Variants in DAAM2 observed in about 807,000 individuals in gnomAD.
DAAM2 encodes the protein dishevelled associated activator of morphogenesis 2.
In DAAM2, 39 loss-of-function variants were observed where a neutral mutation model predicts 120.7. The observed-to-expected ratio is 0.32, with a 90% CI of 0.25 to 0.42. The LOEUF is 0.42. DAAM2 is among the 10% of genes least tolerant of loss of function. The pLI is 1.00. For synonymous variants in DAAM2, 488 were observed against 524.9 expected, an observed-to-expected ratio of 0.93 and a Z score of 0.96; for missense variants, 1,283 against 1,401.7, an observed-to-expected ratio of 0.92 and a Z score of 1.35.
chr6:39,898,798 C>A, intron 21 of DAAM2, 79 bp from the exon 22 acceptor site: 2 of 1,256,286 alleles, frequency 1.6e-6, no homozygotes, highest in Non-Finnish European at 2.3e-6. Flanking sequence ...CTTGGCTCTG[C>A]CCTCTCCCTG....
At chr6:39,816,555 G>T (rs1238854758) in intron 1 of DAAM2, among the ~76,000 whole-genome samples, 1 of 152,170 alleles carries the variant, frequency 6.6e-6, no homozygotes, top group Admixed American at 6.5e-5. Flanking sequence ...GGGTGTGATG[G>T]GTAGCCACCC....
At chr6:39,817,610 A>G (rs1380618287) in intron 1 of DAAM2, among the ~76,000 whole-genome samples, 4 of 152,084 alleles carry the variant, frequency 2.6e-5, no homozygotes, top group Non-Finnish European at 5.9e-5. Context: ...CTCTCTACAT[A>G]TATCTGGATT....
chr6:39,848,326 GTGGATGAA>G (rs1473305066), intron 1 of DAAM2, among the ~76,000 whole-genome samples: 2 of 152,120 alleles, frequency 1.3e-5, no homozygotes, highest in Non-Finnish European at 2.9e-5. Flanking sequence ...CGGTGGGTGG[GTGGATGAA>G]TGGATAAATG....
chr6:39,853,885 A>G (rs1165851844), intron 1 of DAAM2, among the ~76,000 whole-genome samples: 1 of 152,102 alleles, frequency 6.6e-6, no homozygotes, highest in African/African-American at 2.4e-5. Flanking sequence ...ATTCCATGTG[A>G]TCATCCCACA....
intron 9 of DAAM2, 85 bp downstream of exon 9, chr6:39,871,657 GTGGC>G: frequency 7.7e-7 from 1 of 1,298,646 alleles, no homozygotes; most frequent in Non-Finnish European, 1.1e-6. Context: ...ACCCCGTGTT[GTGGC>G]AGGGCTGGTG....
intron 22 of DAAM2, chr6:39,899,529 A>G (rs2149379456): frequency 6.3e-6 from 1 of 158,522 alleles, no homozygotes; most frequent in Admixed American, 6.0e-5. Context: ...TTCCGTCTTC[A>G]CTGAGGAGAG....
chr6:39,863,049 C>T (rs926584623), intron 3 of DAAM2, among the ~76,000 whole-genome samples: 2 of 152,124 alleles, frequency 1.3e-5, no homozygotes, highest in Admixed American at 1.3e-4. Flanking sequence ...ATGGATCACC[C>T]CCCAAGGTCT....
chr6:39,866,139 T>C (rs1418725987), intron 5 of DAAM2, among the ~76,000 whole-genome samples: 1 of 152,152 alleles, frequency 6.6e-6, no homozygotes, highest in African/African-American at 2.4e-5. Flanking sequence ...AATGGGAGCA[T>C]CCCAATTGTC....
intron 1 of DAAM2, among the ~76,000 whole-genome samples, chr6:39,798,289 A>G (rs536713675): frequency 6.6e-6 from 1 of 152,292 alleles, no homozygotes; most frequent in Non-Finnish European, 1.5e-5. Context: ...CGCATCTGAA[A>G]AGTGGGGATG....
chr6:39,866,560 A>T (rs1764440737), intron 5 of DAAM2, among the ~76,000 whole-genome samples: 1 of 152,258 alleles, frequency 6.6e-6, no homozygotes, highest in Non-Finnish European at 1.5e-5. Context: ...TCCGGCGCCT[A>T]GGTGAAACTT....
rs1324834779 is a variant in DAAM2, at chr6:39,904,259, C to T, written c.*2222C>T. On this transcript the variant is annotated 3_prime_UTR_variant, in exon 25 of 25. Transcript: ENST00000274867. ...ACGTTGTTCCAGAGCTCAGCCTTCT[C>T]ACTCTAAAAGAAAGATATTTTTCTA... 2.2e-6 allele frequency: 1 copy of T among 456,764 alleles called. No individual in the cohort carries two copies. The highest frequency in any genetic ancestry group is 6.9e-5 in the East Asian group (1 of 14,404). 28.3% of individuals were successfully genotyped at this position (456,764 alleles called of 1,614,324 possible). A position where few individuals can be genotyped will look rare whatever the true frequency, so the allele number is the denominator to read the frequency against.
intron 1 of DAAM2, among the ~76,000 whole-genome samples, chr6:39,844,529 G>A (rs1763485163): frequency 2.0e-5 from 3 of 152,164 alleles, no homozygotes; most frequent in Admixed American, 2.0e-4. Context: ...CTGGGTTGTT[G>A]TAAGATTAAA....
intron 5 of DAAM2, among the ~76,000 whole-genome samples, chr6:39,866,303 A>C (rs140560301): frequency 1.8e-3 from 267 of 152,346 alleles, no homozygotes; most frequent in Admixed American, 3.3e-3. Context: ...CTGCTAACAA[A>C]AGTTACATAT....
At chr6:39,897,153 C>G in intron 20 of DAAM2, 22 bp from the exon 21 acceptor site, 1 of 1,586,564 alleles carries the variant, frequency 6.3e-7, no homozygotes, top group South Asian at 1.1e-5. Flanking sequence ...TCACTTACCA[C>G]TGACCTGACT....
chr6:39,808,674 G>C (rs1203629364), intron 1 of DAAM2, among the ~76,000 whole-genome samples: 3 of 152,206 alleles, frequency 2.0e-5, no homozygotes, highest in Non-Finnish European at 4.4e-5. Flanking sequence ...AATCTGGTCT[G>C]AGCCCAATCC....
At chr6:39,801,424 G>A (rs1319706611) in intron 1 of DAAM2, among the ~76,000 whole-genome samples, 4 of 152,082 alleles carry the variant, frequency 2.6e-5, no homozygotes, top group African/African-American at 4.8e-5. Flanking sequence ...CCTTGTTGCC[G>A]ACCTGCCTGG....
At chr6:39,831,798 G>GGGCAGGTGCACTGA (rs1762909115) in intron 1 of DAAM2, among the ~76,000 whole-genome samples, 2 of 62,858 alleles carry the variant, frequency 3.2e-5, no homozygotes, top group Non-Finnish European at 6.0e-5. Flanking sequence ...GGTGCACTGG[G>GGGCAGGTGCACTGA]GGGGGGCAGG....
At chr6:39,849,788 G>C (rs1763737466) in intron 1 of DAAM2, among the ~76,000 whole-genome samples, 1 of 152,146 alleles carries the variant, frequency 6.6e-6, no homozygotes, top group Admixed American at 6.5e-5. Flanking sequence ...TAGGTGGGCA[G>C]TGGGGAGATG....
chr6:39,881,638 G>A (rs1052905887), intron 14 of DAAM2, among the ~76,000 whole-genome samples: 2 of 152,128 alleles, frequency 1.3e-5, no homozygotes, highest in Non-Finnish European at 2.9e-5. Flanking sequence ...AATTAAACCT[G>A]GGGGGCGGAG....
Sources: allele counts gnomAD v4.1 joint callset (sites outside exome capture counted in the v4.1 genomes callset), GRCh38; gene constraint gnomAD v4.1.1; transcripts MANE v1.5; gene names NCBI Gene and HGNC (gene_info 2026-07-23, HGNC 2026-07-21).